Variants in PRKD1 observed in about 807,000 individuals in gnomAD.
PRKD1 encodes serine/threonine-protein kinase D1.
PRKD1 carries 63 observed loss-of-function variants against 95.9 expected under a neutral mutation model. The ratio of observed to expected loss-of-function variants is 0.66; its 90% CI spans 0.54 to 0.81. The LOEUF (loss-of-function observed/expected upper bound fraction) is 0.81. Among genes scored for constraint, PRKD1 ranks in the 30% least tolerant of loss-of-function variants. The pLI is 0.00. For missense variants in PRKD1, 1,048 were observed against 1,165.3 expected, an observed-to-expected ratio of 0.90 and a Z score of 1.47; for synonymous variants, 425 against 423.1, an observed-to-expected ratio of 1.00 and a Z score of -0.05.
intron 1 of PRKD1, among the ~76,000 whole-genome samples, chr14:29,821,996 G>A (rs1167823925): frequency 2.0e-5 from 3 of 152,000 alleles, no homozygotes; most frequent in East Asian, 1.9e-4. Flanking sequence ...CATAGAGACC[G>A]TGATACCTGT....
Position 29,832,677 on chromosome 14 carries a change from T to C in PRKD1, c.264+94572A>G, listed in dbSNP as rs527337205. ...GAACACGAATTAGACTAGTTCCTTT[T>C]TTGCATTGAGCAAAATGCTCCAGAA... is the stretch of plus-strand genomic sequence containing the variant. On this transcript the variant is annotated intron_variant, in intron 1 of 17. Transcript: ENST00000331968. Among the ~76,000 whole-genome samples the C allele has an allele frequency of 2.0e-5, 3 of 152,256 alleles. No individual in the cohort carries two copies. In the East Asian group the frequency reaches 5.8e-4, roughly 29 times the overall value.
intron 4 of PRKD1, among the ~76,000 whole-genome samples, chr14:29,659,507 C>T (rs1882074491): frequency 6.6e-6 from 1 of 152,114 alleles, no homozygotes; most frequent in African/African-American, 2.4e-5. Flanking sequence ...ATGTGTCACA[C>T]CATATGCATG....
chr14:29,712,130 A>C (rs979709214), intron 2 of PRKD1, among the ~76,000 whole-genome samples: 2 of 152,142 alleles, frequency 1.3e-5, no homozygotes, highest in Non-Finnish European at 2.9e-5. Flanking sequence ...ATTGTTTCCT[A>C]ACACCCATCA....
intron 1 of PRKD1, 22 bp from the exon 2 acceptor site, chr14:29,725,696 G>A (rs763642311): frequency 5.6e-6 from 9 of 1,603,706 alleles, no homozygotes; most frequent in East Asian, 2.2e-5. Flanking sequence ...AATACCATGA[G>A]AGTGTAAATG....
At position 29,677,668 on chromosome 14, in the gene PRKD1, C is replaced by T. The variant is rs373349146; in HGVS notation, c.404-11460G>A. Among the ~76,000 whole-genome samples, 8 of 152,160 alleles carry T rather than the reference C, an allele frequency of 5.3e-5. No individual in the cohort carries two copies. In the East Asian group the frequency reaches 1.2e-3, roughly 22 times the overall value. ...TCGGCTCACTGCAACCTCCGCTTCCCAGGTTAAGTGATTCTCCTGCCTCAG... is the reference window on the plus strand; with the variant it reads ...TCGGCTCACTGCAACCTCCGCTTCCTAGGTTAAGTGATTCTCCTGCCTCAG... On this transcript the variant is annotated intron_variant, in intron 2 of 17. Transcript: ENST00000331968.
chr14:29,775,657 C>T (rs1388735553), intron 1 of PRKD1, among the ~76,000 whole-genome samples: 1 of 152,196 alleles, frequency 6.6e-6, no homozygotes, highest in Non-Finnish European at 1.5e-5. Context: ...GAAGCTCAAA[C>T]TGGGTGGAGG....
chr14:29,845,256 A>C (rs1226855596), intron 1 of PRKD1, among the ~76,000 whole-genome samples: 2 of 152,222 alleles, frequency 1.3e-5, no homozygotes, highest in Non-Finnish European at 2.9e-5. Context: ...AAATGCTTAA[A>C]GTTAAATTAA....
At chr14:29,898,559 G>C (rs1894211167) in intron 1 of PRKD1, among the ~76,000 whole-genome samples, 1 of 152,056 alleles carries the variant, frequency 6.6e-6, no homozygotes, top group African/African-American at 2.4e-5. Flanking sequence ...ATATGACACT[G>C]TGTCACTTTA....
At chr14:29,800,402 C>G (rs1389115863) in intron 1 of PRKD1, among the ~76,000 whole-genome samples, 1 of 152,194 alleles carries the variant, frequency 6.6e-6, no homozygotes, top group Non-Finnish European at 1.5e-5. Flanking sequence ...TTCATTAAAA[C>G]CTGTGTTCTA....
rs78897601 is a variant in PRKD1 at position 29,690,282 on chromosome 14, C to T, written c.404-24074G>A. On this transcript the variant is annotated intron_variant, in intron 2 of 17. Transcript: ENST00000331968. ...GCCACAAACTTTAGATTTGTGTTATCAGCTGTCTACCACACAGTTTGTCTG... is the reference window on the plus strand; with the variant it reads ...GCCACAAACTTTAGATTTGTGTTATTAGCTGTCTACCACACAGTTTGTCTG... Among the ~76,000 whole-genome samples, 18 of 152,310 alleles carry T rather than the reference C, an allele frequency of 1.2e-4. 1 individual carries two copies. The East Asian group carries it at 3.5e-3, about 29-fold the overall frequency.
At chr14:29,665,203 T>G (rs1882420013) in intron 3 of PRKD1, among the ~76,000 whole-genome samples, 1 of 152,216 alleles carries the variant, frequency 6.6e-6, no homozygotes, top group Admixed American at 6.5e-5. Flanking sequence ...CATAAGCAGA[T>G]AGCTCCATCA....
intron 6 of PRKD1, 68 bp downstream of exon 6, chr14:29,638,420 AC>A: frequency 6.4e-7 from 1 of 1,559,502 alleles, no homozygotes; most frequent in Non-Finnish European, 8.8e-7. Flanking sequence ...AAAAACCCTG[AC>A]TAAAATTACA....
At chr14:29,834,991 T>G (rs1209300615) in intron 1 of PRKD1, among the ~76,000 whole-genome samples, 7 of 144,658 alleles carry the variant, frequency 4.8e-5, no homozygotes, top group Admixed American at 6.7e-5. Context: ...GAGACCTGGG[T>G]TTTTTTTTCT....
chr14:29,924,641 C>A (rs557954655), intron 1 of PRKD1, among the ~76,000 whole-genome samples: 1 of 152,202 alleles, frequency 6.6e-6, no homozygotes, highest in Non-Finnish European at 1.5e-5. Context: ...AAGTTCCACA[C>A]GACTTCAGCC....
At chr14:29,904,345 T>C (rs369948544) in intron 1 of PRKD1, among the ~76,000 whole-genome samples, 66 of 152,210 alleles carry the variant, frequency 4.3e-4, no homozygotes, top group African/African-American at 1.5e-3. Context: ...ATACATAAAC[T>C]TTGGGCTTGA....
In PRKD1 at chr14:29,626,612, T is replaced by C. The variant is rs1429623379; in HGVS notation, c.1726-56A>G. On this transcript the variant is annotated intron_variant, in intron 11 of 17. Transcript: ENST00000331968. ...ATGAAGCAGAACAAAACATTAGTCC[T>C]AAAAATTAATATAATTCTATTAAAT... 10 of 1,021,718 alleles carry C rather than the reference T, an allele frequency of 9.8e-6. No homozygotes were observed. The Admixed American group carries it at 2.6e-4, about 26-fold the overall frequency. 63.3% of individuals were successfully genotyped at this position (1,021,718 alleles called of 1,614,324 possible).
chr14:29,872,421 G>C (rs1893140377), intron 1 of PRKD1, among the ~76,000 whole-genome samples: 3 of 152,066 alleles, frequency 2.0e-5, no homozygotes, highest in Admixed American at 6.5e-5. Flanking sequence ...CCAGCACTTT[G>C]AGAGGCCAAG....
At position 29,834,856 on chromosome 14, in the gene PRKD1, A is replaced by C. The variant is rs192401303; in HGVS notation, c.264+92393T>G. ...CATCCATGTTAAGTAATTAGCCAAAAGTCATACGGATAAAGGTGGTGGAGC... is the reference window on the plus strand; with the variant it reads ...CATCCATGTTAAGTAATTAGCCAAACGTCATACGGATAAAGGTGGTGGAGC... On this transcript the variant is annotated intron_variant, in intron 1 of 17. Transcript: ENST00000331968. 8.5e-4 allele frequency among the ~76,000 whole-genome samples: 130 copies of C among 152,284 alleles called. 2 individuals are homozygous for C. The highest frequency in any genetic ancestry group is 1.3e-3 in the Non-Finnish European group (90 of 68,000).
intron 1 of PRKD1, among the ~76,000 whole-genome samples, chr14:29,911,214 A>G (rs1460715167): frequency 6.6e-6 from 1 of 152,220 alleles, no homozygotes; most frequent in African/African-American, 2.4e-5. Context: ...AAGTATTTAA[A>G]GGAAATCAAA....
Sources: allele counts gnomAD v4.1 joint callset (sites outside exome capture counted in the v4.1 genomes callset), GRCh38; gene constraint gnomAD v4.1.1; transcripts MANE v1.5; gene names NCBI Gene and HGNC (gene_info 2026-07-23, HGNC 2026-07-21).